NBAS: variants seen among roughly 807,000 people sequenced by gnomAD.
NBAS encodes the protein NAG/BC035112 fusion.
In NBAS, 219 loss-of-function variants were observed where a neutral mutation model predicts 302.5. That is an observed-to-expected ratio of 0.72 (90% confidence interval 0.65 to 0.81). NBAS has a LOEUF of 0.81. Ranked by LOEUF, NBAS falls within the 30% of genes least tolerant of loss-of-function variation. NBAS has a pLI of 0.00. For missense variants in NBAS, 2,932 were observed against 2,841.6 expected, an observed-to-expected ratio of 1.03 and a Z score of -0.72; for synonymous variants, 1,118 against 1,021.6, an observed-to-expected ratio of 1.09 and a Z score of -1.80.
chr2:15,162,377 C>T (rs1395008270), downstream of NBAS, among the ~76,000 whole-genome samples: 1 of 152,232 alleles, frequency 6.6e-6, no homozygotes, highest in African/African-American at 2.4e-5. Context: ...CCCTCATCAC[C>T]TGACCATTGC....
chr2:15,092,483 C>T, the NBAS span, among the ~76,000 whole-genome samples: 1 of 152,130 alleles, frequency 6.6e-6, no homozygotes, highest in South Asian at 2.1e-4. Flanking sequence ...AAATTAGCTC[C>T]GAAAGAAATG....
chr2:15,396,841 T>C (rs1338308576), intron 26 of NBAS, among the ~76,000 whole-genome samples: 1 of 152,202 alleles, frequency 6.6e-6, no homozygotes, highest in Admixed American at 6.5e-5. Flanking sequence ...AGAAGAAGCA[T>C]AGCCATGTTG....
At chr2:14,818,079 A>G in the NBAS span, among the ~76,000 whole-genome samples, 13 of 151,998 alleles carry the variant, frequency 8.6e-5, no homozygotes, top group African/African-American at 2.9e-4. Context: ...GTTCCTGCAC[A>G]CACCTCCACT....
chr2:14,989,056 T>A, the NBAS span, among the ~76,000 whole-genome samples: 1 of 152,070 alleles, frequency 6.6e-6, no homozygotes. Context: ...ACATCGCACA[T>A]CTTCAATGGA....
intron 44 of NBAS, among the ~76,000 whole-genome samples, chr2:15,250,728 T>C (rs1668325585): frequency 6.6e-6 from 1 of 152,164 alleles, no homozygotes; most frequent in African/African-American, 2.4e-5. Flanking sequence ...TCACTGTTCA[T>C]TAGAGAAATG....
chr2:15,019,416 C>T, the NBAS span, among the ~76,000 whole-genome samples: 2 of 152,064 alleles, frequency 1.3e-5, no homozygotes, highest in East Asian at 1.9e-4. Context: ...TTTTAATATC[C>T]CTTTATACAT....
At chr2:14,941,217 T>G in the NBAS span, among the ~76,000 whole-genome samples, 1 of 152,200 alleles carries the variant, frequency 6.6e-6, no homozygotes, top group African/African-American at 2.4e-5. Context: ...GTGACTACAC[T>G]CTTTCCATAA....
chr2:14,934,635 C>T, the NBAS span, among the ~76,000 whole-genome samples: 1 of 152,178 alleles, frequency 6.6e-6, no homozygotes, highest in African/African-American at 2.4e-5. Context: ...CAATAGTGCC[C>T]TCTTTTTAAT....
intron 38 of NBAS, among the ~76,000 whole-genome samples, chr2:15,322,806 T>C (rs1176255864): frequency 1.3e-5 from 2 of 152,206 alleles, no homozygotes; most frequent in African/African-American, 4.8e-5. Context: ...TGTTTGACAC[T>C]ATAAAATAGC....
chr2:14,923,359 G>A, the NBAS span, among the ~76,000 whole-genome samples: 4 of 152,168 alleles, frequency 2.6e-5, no homozygotes, highest in African/African-American at 7.2e-5. Context: ...GTTGTGGGTG[G>A]TAAATGCTAA....
At chr2:15,466,918 C>A in intron 19 of NBAS, among the ~76,000 whole-genome samples, 3 of 134,612 alleles carry the variant, frequency 2.2e-5, no homozygotes, top group Non-Finnish European at 1.6e-5. Context: ...GCCTGGAGAA[C>A]AGAGTGAGAT....
Position 15,254,235 on chromosome 2 carries a change from G to A in NBAS, c.5725-15549C>T, listed in dbSNP as rs377366414. 2.6e-4 allele frequency among the ~76,000 whole-genome samples: 40 copies of A among 151,892 alleles called. No homozygotes were observed. In the East Asian group the frequency reaches 5.0e-3, roughly 19 times the overall value. ...GGAGGCTCACTTCCTACACTCCTAT[G>A]ATTGCACCCAATTAATCAGCAGCAA... On this transcript the variant is annotated intron_variant, in intron 44 of 51. Transcript: ENST00000281513.
chr2:15,155,727 A>G, the NBAS span, among the ~76,000 whole-genome samples: 1 of 152,330 alleles, frequency 6.6e-6, no homozygotes, highest in East Asian at 1.9e-4. Flanking sequence ...TTCTAGTCAT[A>G]GTAAATCTTC....
chr2:14,981,005 T>C, the NBAS span, among the ~76,000 whole-genome samples: 29 of 152,028 alleles, frequency 1.9e-4, no homozygotes, highest in South Asian at 3.5e-3. Context: ...ATAAAATCAG[T>C]TAATTAATTC....
chr2:14,906,921 C>A, the NBAS span, among the ~76,000 whole-genome samples: 3 of 152,134 alleles, frequency 2.0e-5, no homozygotes, highest in Admixed American at 6.5e-5. Context: ...CAGTCTGCTT[C>A]CTGTCCTCTC....
chr2:14,780,321 A>T, the NBAS span, among the ~76,000 whole-genome samples: 1 of 152,196 alleles, frequency 6.6e-6, no homozygotes, highest in Non-Finnish European at 1.5e-5. Context: ...TTAATCATGT[A>T]ATTGCTATTT....
the NBAS span, among the ~76,000 whole-genome samples, chr2:14,907,118 T>C: frequency 6.6e-6 from 1 of 152,220 alleles, no homozygotes; most frequent in Admixed American, 6.5e-5. Context: ...GGCCCACTAG[T>C]GCCCTGGCTG....
At chr2:15,280,687 T>C (rs1669785069) in intron 42 of NBAS, among the ~76,000 whole-genome samples, 1 of 152,182 alleles carries the variant, frequency 6.6e-6, no homozygotes, top group Non-Finnish European at 1.5e-5. Context: ...TTGGGTACAG[T>C]TCAGCTGCAG....
the NBAS span, among the ~76,000 whole-genome samples, chr2:14,984,233 C>A: frequency 6.6e-6 from 1 of 152,218 alleles, no homozygotes; most frequent in East Asian, 1.9e-4. Context: ...TTTAACTCCA[C>A]GCCCTGACTT....
Sources: gnomAD v4.1 joint callset for allele counts (sites outside exome capture counted in the v4.1 genomes callset) on GRCh38, gnomAD v4.1.1 for gene constraint, MANE v1.5 for transcripts, NCBI Gene and HGNC (gene_info 2026-07-23, HGNC 2026-07-21) for gene names.